Variants in INPP5E observed in about 807,000 individuals in gnomAD.
INPP5E encodes inositol polyphosphate-5-phosphatase E.
Under a neutral mutation model 50.5 loss-of-function variants are expected in INPP5E, and 34 were observed. The ratio of observed to expected loss-of-function variants is 0.67; its 90% CI spans 0.51 to 0.90. INPP5E has a LOEUF of 0.90. Ranked by LOEUF, INPP5E falls within the 40% of genes least tolerant of loss-of-function variation. The pLI is 0.00. For synonymous variants in INPP5E, 447 were observed against 406.0 expected (o/e 1.10, Z -1.21); for missense variants, 942 against 905.5 (o/e 1.04, Z -0.52).
intron 6 of INPP5E, 112 bp from the exon 7 acceptor site, chr9:136,432,097 G>C: frequency 7.7e-7 from 1 of 1,305,322 alleles, no homozygotes; most frequent in Middle Eastern, 1.9e-4. Context: ...TTGGGCGCCA[G>C]CCGGTGGGGC....
chr9:136,433,996 C>T (rs981680301), intron 3 of INPP5E, 41 bp downstream of exon 3: 1 of 1,496,570 alleles, frequency 6.7e-7, no homozygotes, highest in Non-Finnish European at 9.1e-7. Flanking sequence ...TCAGAGACGG[C>T]AGCCCCTGGG....
chr9:136,429,564 C>A lies in INPP5E; in HGVS notation c.*111G>T. The A allele has an allele frequency of 7.1e-7, 1 of 1,418,252 alleles. No individual in the cohort carries two copies. The highest frequency in any genetic ancestry group is 1.1e-5 in the South Asian group (1 of 87,088). 87.9% of individuals were successfully genotyped at this position (1,418,252 alleles called of 1,614,324 possible). On this transcript the variant is annotated 3_prime_UTR_variant, in exon 10 of 10. Transcript: ENST00000371712. ...TGGGACGCTGGCACAGAGGCACGGT[C>A]GCCACAGTCCCTCGGATCCCCGAAA... is the stretch of plus-strand genomic sequence containing the variant.
Position 136,439,643 on chromosome 9 carries a change from C to T in INPP5E, c.-224G>A. On this transcript the variant is annotated 5_prime_UTR_variant, in exon 1 of 10. Transcript: ENST00000371712. ...CCCAGACGCCGTTCCCAGGGCGGTCCGCAGGCAAGGCCTGGGGGAACAGGC... is the reference window on the plus strand; with the variant it reads ...CCCAGACGCCGTTCCCAGGGCGGTCTGCAGGCAAGGCCTGGGGGAACAGGC... 1 of 356,792 alleles carries T rather than the reference C, an allele frequency of 2.8e-6. No homozygotes were observed. Among genetic ancestry groups the T allele is most frequent in the Non-Finnish European group, 5.0e-6 (1 of 200,170 alleles). 22.1% of individuals were successfully genotyped at this position (356,792 alleles called of 1,614,324 possible). A position where few individuals can be genotyped will look rare whatever the true frequency, so the allele number is the denominator to read the frequency against.
chr9:136,438,645 G>T lies in INPP5E; in HGVS notation c.775C>A (p.Leu259Ile), dbSNP rs1335068390. The T allele has an allele frequency of 5.1e-6, 8 of 1,578,398 alleles. No individual in the cohort carries two copies. The highest frequency in any genetic ancestry group is 6.9e-6 in the Non-Finnish European group (8 of 1,162,828). The change falls in exon 1 of 10, where the codon CTC becomes ATC. Residue 259 changes from leucine to isoleucine, a missense_variant. Leu to Ile is a conservative substitution (Grantham distance 5). Transcript: ENST00000371712. ...SLRSAKSSFS[L>I]LAPIRSKDVR... is the part of the protein sequence containing the mutation. ...TCCTTGCTGCGGATGGGCGCCAGGA[G>T]GCTGAAGGAGGATTTGGCCGAGCGA... is the stretch of plus-strand genomic sequence containing the variant.
rs199748791 is a variant in INPP5E, at chr9:136,434,010, G to T, written c.1034+27C>A. ...TTCAGAGACGGCAGCCCCTGGGCAG[G>T]CACTGCAGGGCCTGCAGCCGCCCTA... On this transcript the variant is annotated intron_variant, in intron 3 of 9. Coordinates refer to ENST00000371712, the MANE Select transcript of INPP5E (RefSeq NM_019892.6). 83 of 1,553,532 alleles carry T rather than the reference G, an allele frequency of 5.3e-5. No individual in the cohort carries two copies. The East Asian group carries it at 1.4e-3, about 26-fold the overall frequency.
intron 9 of INPP5E, 54 bp downstream of exon 9, chr9:136,430,223 G>T: frequency 3.2e-6 from 5 of 1,548,710 alleles, no homozygotes; most frequent in Non-Finnish European, 4.4e-6. Context: ...TAGCTCATGG[G>T]ACGACGGCAC....
At chr9:136,433,313 A>C (rs1415015697) in intron 3 of INPP5E, 34 bp from the exon 4 acceptor site, 1 of 1,553,706 alleles carries the variant, frequency 6.4e-7, no homozygotes, top group Non-Finnish European at 8.7e-7. Context: ...GCTGGGGGAC[A>C]TGGCCTCCCA....
At position 136,439,022 on chromosome 9, in the gene INPP5E, A is replaced by T; in HGVS notation, c.398T>A (p.Leu133Gln). The T allele has an allele frequency of 6.3e-7, 1 of 1,585,890 alleles. No individual in the cohort carries two copies. The highest frequency in any genetic ancestry group is 8.6e-7 in the Non-Finnish European group (1 of 1,166,890). The change falls in exon 1 of 10, where the codon CTG becomes CAG. Residue 133 changes from leucine (L) to glutamine (Q), a missense_variant. By Grantham distance (113) the Leu-to-Gln change is moderately radical (BLOSUM62 -2). Transcript: ENST00000371712. ...GGGGATTTCCTGCAAGGAGGTGCTC[A>T]GGCAGGGCGGGGAGCAGCTGTGGGC... ...APAHSCSPPC[L>Q]STSLQEIPKS...
In INPP5E at chr9:136,439,484, C is replaced by T. The variant is rs1007189157; in HGVS notation, c.-65G>A. ...AGGCAGCGCGAGGGGTCACGGGTGCCGGGTCCGGGGTCGCCGGCGCAGCGA... is the reference window on the plus strand; with the variant it reads ...AGGCAGCGCGAGGGGTCACGGGTGCTGGGTCCGGGGTCGCCGGCGCAGCGA... On this transcript the variant is annotated 5_prime_UTR_variant, in exon 1 of 10. Transcript: ENST00000371712. 4 of 1,250,178 alleles carry T rather than the reference C, an allele frequency of 3.2e-6. No homozygotes were observed. The highest frequency in any genetic ancestry group is 3.5e-5 in the Admixed American group (1 of 28,256). The allele number at this position is 1,250,178 out of a possible 1,614,324, so 77.4% of individuals were successfully genotyped here.
chr9:136,435,200 T>C (rs950168385), intron 1 of INPP5E, among the ~76,000 whole-genome samples: 1 of 151,708 alleles, frequency 6.6e-6, no homozygotes, highest in African/African-American at 2.4e-5. Context: ...GGGCACAGGG[T>C]GCTGTTCGGG....
In INPP5E at chr9:136,434,239, A is replaced by G. The variant is rs888911456; in HGVS notation, c.937-105T>C. The G allele has an allele frequency of 3.8e-5, 31 of 808,078 alleles. No homozygotes were observed. In the African/African-American group the frequency reaches 5.3e-4, roughly 14 times the overall value. The allele number at this position is 808,078 out of a possible 1,614,324, so 50.1% of individuals were successfully genotyped here. On this transcript the variant is annotated intron_variant, in intron 2 of 9. Coordinates refer to ENST00000371712, the MANE Select transcript of INPP5E (RefSeq NM_019892.6). ...TGAGTACCAGCGACTCCTCCGAATGAGGGGAAACTGAGGCCAGGGCCAAAA... is the reference window on the plus strand; with the variant it reads ...TGAGTACCAGCGACTCCTCCGAATGGGGGGAAACTGAGGCCAGGGCCAAAA...
At chr9:136,431,201 C>T (rs1458616549) in intron 7 of INPP5E, 84 bp from the exon 8 acceptor site, 1 of 788,728 alleles carries the variant, frequency 1.3e-6, no homozygotes, top group Non-Finnish European at 2.1e-6. Flanking sequence ...CCTCATCTCC[C>T]ACCACGCCCA....
At position 136,438,836 on chromosome 9, in the gene INPP5E, G is replaced by C. The variant is rs147268679; in HGVS notation, c.584C>G (p.Pro195Arg). The change falls in exon 1 of 10, where the codon CCT (proline) becomes CGT (arginine). Residue 195 changes from proline to arginine, a missense_variant. Transcript: ENST00000371712. Reference sequence around the variant, plus strand: ...GGAGGCGATGTCCAGGCTCAGGGCAGGCGGTGGGCGCGGGGGCAGCAGGCT... The same window carrying C: ...GGAGGCGATGTCCAGGCTCAGGGCACGCGGTGGGCGCGGGGGCAGCAGGCT... The part of the protein sequence containing the change: ...LPSLLPPRPP[P>R]ALSLDIASDS... 2 of 1,609,498 alleles carry C rather than the reference G, an allele frequency of 1.2e-6. No individual in the cohort carries two copies. The highest frequency in any genetic ancestry group is 2.7e-5 in the African/African-American group (2 of 74,878).
chr9:136,429,951 T>A, intron 9 of INPP5E, 144 bp from the exon 10 acceptor site: 1 of 717,116 alleles, frequency 1.4e-6, no homozygotes, highest in Non-Finnish European at 2.4e-6. Flanking sequence ...TGGCCCAGAT[T>A]GGCCCTGCCT....
At position 136,429,565 on chromosome 9, in the gene INPP5E, G is replaced by A. The variant is rs1218370267; in HGVS notation, c.*110C>T. ...GGGACGCTGGCACAGAGGCACGGTC[G>A]CCACAGTCCCTCGGATCCCCGAAAG... On this transcript the variant is annotated 3_prime_UTR_variant, in exon 10 of 10. Transcript: ENST00000371712. 3.1e-5 allele frequency: 45 copies of A among 1,435,212 alleles called. 1 individual carries two copies. The South Asian group carries it at 3.3e-4, about 11-fold the overall frequency. 88.9% of individuals were successfully genotyped at this position (1,435,212 alleles called of 1,614,324 possible). A position where few individuals can be genotyped will look rare whatever the true frequency, so the allele number is the denominator to read the frequency against.
At position 136,439,728 on chromosome 9, in the gene INPP5E, G is replaced by T; in HGVS notation, c.-309C>A. 3.8e-6 allele frequency: 1 copy of T among 260,184 alleles called. No homozygotes were observed. The highest frequency in any genetic ancestry group is 7.3e-6 in the Non-Finnish European group (1 of 137,868). The allele number at this position is 260,184 out of a possible 1,614,324, so 16.1% of individuals were successfully genotyped here. ...GACGGGGACGCCGCTCGGGGAGAGG[G>T]GTGGGAAGCGGGCACCCCTGGCTGG... On this transcript the variant is annotated 5_prime_UTR_variant, in exon 1 of 10. Coordinates refer to ENST00000371712, the MANE Select transcript of INPP5E (RefSeq NM_019892.6).
intron 1 of INPP5E, chr9:136,435,754 A>G (rs948172156): frequency 1.7e-4 from 26 of 152,264 alleles, no homozygotes; most frequent in African/African-American, 6.0e-4. Context: ...GGGCTCTGCT[A>G]CGGTGGTGCA....
Position 136,433,256 on chromosome 9 carries a change from T to C in INPP5E, c.1058A>G (p.Gln353Arg), listed in dbSNP as rs1835756247. ...SDRREWETRL[Q>R]ETLGPHYVLL... ...CACATAGTGCGGGCCCAGCGTCTCC[T>C]GCAGACGAGTCTCCCACTCCCGCCT... is the stretch of plus-strand genomic sequence containing the variant. The change falls in exon 4 of 10, where the codon CAG becomes CGG. Residue 353 changes from glutamine to arginine, a missense_variant. Physicochemically the swap from Gln to Arg is conservative, Grantham distance 43 (BLOSUM62 1). Coordinates refer to ENST00000371712, the MANE Select transcript of INPP5E (RefSeq NM_019892.6). 3 of 1,586,976 alleles carry C rather than the reference T, an allele frequency of 1.9e-6. No individual in the cohort carries two copies. The highest frequency in any genetic ancestry group is 1.4e-5 in the African/African-American group (1 of 73,482).
chr9:136,435,007 G>C (rs775726240), intron 1 of INPP5E, 144 bp from the exon 2 acceptor site: 1 of 1,006,922 alleles, frequency 9.9e-7, no homozygotes, highest in Non-Finnish European at 1.5e-6. Flanking sequence ...TGGCCCCCGC[G>C]GCACTGCTGT....
Sources: allele counts gnomAD v4.1 joint callset (sites outside exome capture counted in the v4.1 genomes callset), GRCh38; gene constraint gnomAD v4.1.1; transcripts MANE v1.5; gene names NCBI Gene and HGNC (gene_info 2026-07-23, HGNC 2026-07-21).